The following PKD1L1 variants were observed in gnomAD, a reference collection of about 807,000 sequenced individuals.
PKD1L1 encodes the protein polycystin 1 like 1, transient receptor potential channel interacting, also known as polycystin-1-like protein 1.
PKD1L1 carries 236 observed loss-of-function variants against 323.4 expected under a neutral mutation model. The ratio of observed to expected loss-of-function variants is 0.73; its 90% CI spans 0.66 to 0.81. The LOEUF is 0.81. Ranked by LOEUF, PKD1L1 falls within the 40% of genes least tolerant of loss-of-function variation. PKD1L1 has a pLI of 0.00. For synonymous variants in PKD1L1, 1,344 were observed against 1,335.0 expected (o/e 1.01, Z -0.15); for missense variants, 3,320 against 3,508.0 (o/e 0.95, Z 1.35).
At chr7:47,874,033 A>T in intron 23 of PKD1L1, 23 bp from the exon 24 acceptor site, 1 of 1,477,098 alleles carries the variant, frequency 6.8e-7, no homozygotes, top group Non-Finnish European at 9.4e-7. Context: ...ATGTCAGAAG[A>T]GGGTCATCTT....
At chr7:47,918,000 A>G (rs1562989378) in intron 7 of PKD1L1, among the ~76,000 whole-genome samples, 1 of 152,184 alleles carries the variant, frequency 6.6e-6, no homozygotes. Flanking sequence ...CTAACGTTGA[A>G]TGTAAATGAC....
chr7:47,857,169 G>A (rs1785923533), intron 28 of PKD1L1, among the ~76,000 whole-genome samples: 1 of 152,200 alleles, frequency 6.6e-6, no homozygotes, highest in Admixed American at 6.5e-5. Context: ...GGTAAGCACT[G>A]CCATGTCCTC....
chr7:47,854,599 C>A (rs1283107781), intron 30 of PKD1L1, among the ~76,000 whole-genome samples: 3 of 152,094 alleles, frequency 2.0e-5, no homozygotes, highest in Non-Finnish European at 2.9e-5. Flanking sequence ...CTTGCTCAGA[C>A]CTATACTGAA....
Position 47,829,274 on chromosome 7 carries a change from A to T in PKD1L1, c.6735+151T>A, listed in dbSNP as rs917801267. The T allele has an allele frequency of 4.4e-6, 3 of 682,778 alleles. No homozygotes were observed. The East Asian group carries it at 8.5e-5, about 19-fold the overall frequency. The allele number at this position is 682,778 out of a possible 1,614,324, so 42.3% of individuals were successfully genotyped here. A position where few individuals can be genotyped will look rare whatever the true frequency, so the allele number is the denominator to read the frequency against. ...CTATGTGTTCATCTATCATACAGGTATGTGCAAAGAAGCATAAGAAATTAA... is the reference window on the plus strand; with the variant it reads ...CTATGTGTTCATCTATCATACAGGTTTGTGCAAAGAAGCATAAGAAATTAA... On this transcript the variant is annotated intron_variant, in intron 44 of 56. Transcript: ENST00000289672.
chr7:47,903,125 A>G (rs1263725906), intron 12 of PKD1L1, among the ~76,000 whole-genome samples: 2 of 152,370 alleles, frequency 1.3e-5, no homozygotes, highest in African/African-American at 4.8e-5. Flanking sequence ...TACTAAGGAA[A>G]TAAGTGGTTA....
chr7:47,856,293 C>T (rs1785903464), intron 28 of PKD1L1, among the ~76,000 whole-genome samples: 1 of 152,320 alleles, frequency 6.6e-6, no homozygotes, highest in Admixed American at 6.5e-5. Flanking sequence ...CTCGCCTCGG[C>T]CTCCCAAACT....
At chr7:47,894,823 A>C (rs1231295858) in intron 14 of PKD1L1, among the ~76,000 whole-genome samples, 1 of 148,110 alleles carries the variant, frequency 6.8e-6, no homozygotes, top group African/African-American at 2.5e-5. Flanking sequence ...ACACCACTAC[A>C]CTCCAGCCTG....
chr7:47,843,422 G>C (rs942486381), intron 33 of PKD1L1, among the ~76,000 whole-genome samples: 1 of 152,214 alleles, frequency 6.6e-6, no homozygotes, highest in Non-Finnish European at 1.5e-5. Flanking sequence ...CTCTGTGCTA[G>C]GTGGCTGTGC....
At chr7:47,806,514 T>C (rs1784780819) in intron 52 of PKD1L1, among the ~76,000 whole-genome samples, 1 of 152,232 alleles carries the variant, frequency 6.6e-6, no homozygotes, top group African/African-American at 2.4e-5. Flanking sequence ...CTGCTGTCTG[T>C]CCCAGAGAGA....
At chr7:47,782,028 G>A (rs2128721500) in intron 56 of PKD1L1, among the ~76,000 whole-genome samples, 1 of 152,218 alleles carries the variant, frequency 6.6e-6, no homozygotes, top group South Asian at 2.1e-4. Context: ...CTGTTCCAAG[G>A]ATCTTTGTCT....
chr7:47,899,638 T>A (rs551570873), intron 13 of PKD1L1, among the ~76,000 whole-genome samples: 12 of 151,908 alleles, frequency 7.9e-5, no homozygotes, highest in African/African-American at 2.7e-4. Context: ...GAGGGATTTT[T>A]TTTTTCCTGA....
intron 23 of PKD1L1, 48 bp from the exon 24 acceptor site, chr7:47,874,058 C>G (rs1786347904): frequency 8.4e-7 from 1 of 1,186,872 alleles, no homozygotes; most frequent in African/African-American, 1.5e-5. Flanking sequence ...ATGTGGGTTA[C>G]AGAGATGCTT....
rs79131011 is a variant in PKD1L1 at position 47,834,981 on chromosome 7, G to C, written c.6113C>G (p.Thr2038Ser). Reference protein sequence around the residue: ...PHSPLRGGAQTEAPHGPNSWG... With the variant: ...PHSPLRGGAQSEAPHGPNSWG... ...TGTACATTTACCATGGGGTGCCTCGGTCTGTGCTCCTCCTCTAAGTGGGCT... is the reference window on the plus strand; with the variant it reads ...TGTACATTTACCATGGGGTGCCTCGCTCTGTGCTCCTCCTCTAAGTGGGCT... The change falls in exon 39 of 57, where the codon ACC becomes AGC. Residue 2038 changes from threonine (T) to serine (S), a missense_variant. Thr to Ser is a moderately conservative substitution (Grantham distance 58). Transcript: ENST00000289672. 4,493 of 1,613,746 alleles carry C rather than the reference G, an allele frequency of 2.8e-3. 95 individuals carry two copies. The African/African-American group carries it at 0.046, about 17-fold the overall frequency.
At chr7:47,931,060 G>A (rs762422738) in intron 6 of PKD1L1, 44 bp downstream of exon 6, 1 of 1,573,844 alleles carries the variant, frequency 6.4e-7, no homozygotes. Context: ...TCCAGACTGG[G>A]GATTGGAGAA....
At chr7:47,938,649 G>A (rs80004723) in intron 3 of PKD1L1, among the ~76,000 whole-genome samples, 1 of 152,142 alleles carries the variant, frequency 6.6e-6, no homozygotes, top group Non-Finnish European at 1.5e-5. Flanking sequence ...AATGCAGCTT[G>A]GAAATGGGTC....
chr7:47,784,923 A>G (rs1182971646), intron 56 of PKD1L1, among the ~76,000 whole-genome samples: 1 of 152,098 alleles, frequency 6.6e-6, no homozygotes, highest in African/African-American at 2.4e-5. Flanking sequence ...GCCCTTTTCT[A>G]TCCATATACA....
rs1787002197 is a variant in PKD1L1, at chr7:47,898,176, C to A, written c.2083G>T (p.Val695Leu). Residue 695 changes from valine to leucine, a missense_variant, in exon 14 of 57, where the codon GTG (valine) becomes TTG (leucine). By Grantham distance (32) the Val-to-Leu change is conservative (BLOSUM62 1). Transcript: ENST00000289672. The part of the protein sequence containing the change: ...GKVQIWRSQP[V>L]RLGVTFEAAV... The stretch of plus-strand genomic sequence containing the variant: ...GCTTCAAACGTCACTCCCAGCCTCA[C>A]AGGCTGAGACCTCCATATCTAAGTA... The A allele has an allele frequency of 3.1e-6, 5 of 1,613,650 alleles. No individual in the cohort carries two copies. The African/African-American group carries it at 4.0e-5, about 13-fold the overall frequency.
At chr7:47,896,173 CA>C (rs1786930545) in intron 14 of PKD1L1, among the ~76,000 whole-genome samples, 1 of 151,732 alleles carries the variant, frequency 6.6e-6, no homozygotes, top group Non-Finnish European at 1.5e-5. Context: ...CCTGTCTCTA[CA>C]AAAAATTAGC....
chr7:47,792,864 G>T, intron 55 of PKD1L1, 67 bp from the exon 56 acceptor site: 1 of 1,435,504 alleles, frequency 7.0e-7, no homozygotes, highest in Non-Finnish European at 9.7e-7. Context: ...TCCTCATTAT[G>T]TGAAGCATTT....
Sources: allele counts gnomAD v4.1 joint callset (sites outside exome capture counted in the v4.1 genomes callset), GRCh38; gene constraint gnomAD v4.1.1; transcripts MANE v1.5; gene names NCBI Gene and HGNC (gene_info 2026-07-23, HGNC 2026-07-21).